The following ADAMTS6 variants were observed in gnomAD, a reference collection of about 807,000 sequenced individuals.
The protein encoded by ADAMTS6 is A disintegrin and metalloproteinase with thrombospondin motifs 6.
Under a neutral mutation model 144.3 loss-of-function variants are expected in ADAMTS6, and 23 were observed. The observed-to-expected ratio is 0.16, with a 90% CI of 0.11 to 0.23. The LOEUF is 0.23. Ranked by LOEUF, ADAMTS6 falls within the 10% of genes least tolerant of loss-of-function variation. The probability of loss-of-function intolerance (pLI) is 1.00; values close to 1 mark genes in which losing one functional copy is unlikely to be tolerated. For synonymous variants in ADAMTS6, 444 were observed against 457.5 expected (o/e 0.97, Z 0.38); for missense variants, 999 against 1,379.6 (o/e 0.72, Z 4.37).
rs143296609 is a variant in ADAMTS6, at chr5:65,223,223, A to G, written c.2272+1097T>C. Reference sequence around the variant, plus strand: ...TGTTGAGGTATAACTCACAAATAAAATATTAAGTTTAAGGTGTACAATCTG... The same window carrying G: ...TGTTGAGGTATAACTCACAAATAAAGTATTAAGTTTAAGGTGTACAATCTG... On this transcript the variant is annotated intron_variant, in intron 18 of 24. Transcript: ENST00000381055. Among the ~76,000 whole-genome samples, 1,180 of 152,242 alleles carry G rather than the reference A, an allele frequency of 7.8e-3. 10 individuals carry two copies. The highest frequency in any genetic ancestry group is 0.012 in the Non-Finnish European group (830 of 67,986).
In ADAMTS6 at chr5:65,224,300, A is replaced by G. The variant is rs774959053; in HGVS notation, c.2272+20T>C. 1.9e-6 allele frequency: 3 copies of G among 1,604,268 alleles called. No homozygotes were observed. Among genetic ancestry groups the G allele is most frequent in the Middle Eastern group, 1.7e-4 (1 of 6,050 alleles). The stretch of plus-strand genomic sequence containing the variant: ...ATTTACTTTTAAAATCCAGCAAACT[A>G]GCATACCAGTCTAACATACCAATAT... On this transcript the variant is annotated intron_variant, in intron 18 of 24. Transcript: ENST00000381055.
At chr5:65,311,784 T>G (rs1419264974) in intron 9 of ADAMTS6, among the ~76,000 whole-genome samples, 1 of 152,094 alleles carries the variant, frequency 6.6e-6, no homozygotes, top group Non-Finnish European at 1.5e-5. Flanking sequence ...CATAGCCTAC[T>G]GAGTGTAAAT....
chr5:65,319,714 G>GGGAGGGAGGGAA (rs1745372192), intron 9 of ADAMTS6, among the ~76,000 whole-genome samples: 1 of 35,932 alleles, frequency 2.8e-5, no homozygotes, highest in African/African-American at 1.7e-4. Context: ...GAGGGAGGGA[G>GGGAGGGAGGGAA]GGAAGGGAGG....
chr5:65,227,826 C>A (rs900819559), intron 15 of ADAMTS6, among the ~76,000 whole-genome samples: 3 of 151,852 alleles, frequency 2.0e-5, no homozygotes, highest in African/African-American at 4.8e-5. Context: ...TTAAATGTAA[C>A]AATTGATTCA....
chr5:65,224,921 C>T lies in ADAMTS6; in HGVS notation c.2191+3G>A, dbSNP rs1412610610. 2 of 1,612,086 alleles carry T rather than the reference C, an allele frequency of 1.2e-6. No individual in the cohort carries two copies. The highest frequency in any genetic ancestry group is 1.7e-6 in the Non-Finnish European group (2 of 1,179,328). On this transcript the variant is annotated splice_donor_region_variant and intron_variant, in intron 17 of 24. Transcript: ENST00000381055. ...TGAGGAAGAGTTCTCTCTACATACT[C>T]ACCTCCCCTGGGCAGTGAATCATTG...
chr5:65,182,247 C>A (rs190939352), intron 22 of ADAMTS6, among the ~76,000 whole-genome samples: 5 of 151,740 alleles, frequency 3.3e-5, no homozygotes, highest in Non-Finnish European at 5.9e-5. Flanking sequence ...GAGTTTGAGA[C>A]CACAGCCTGG....
chr5:65,450,406 T>C lies in ADAMTS6; in HGVS notation c.1073+1069A>G, dbSNP rs143688638. On this transcript the variant is annotated intron_variant, in intron 7 of 24. Transcript: ENST00000381055. Reference sequence around the variant, plus strand: ...TCTTACTGGATCTCAAGATTCTAACTCATATACTTTGTATTCCCTCCCTAG... The same window carrying C: ...TCTTACTGGATCTCAAGATTCTAACCCATATACTTTGTATTCCCTCCCTAG... 6.9e-3 allele frequency among the ~76,000 whole-genome samples: 1,051 copies of C among 152,242 alleles called. 13 individuals carry two copies. Among genetic ancestry groups the C allele is most frequent in the African/African-American group, 0.024 (987 of 41,558 alleles).
At chr5:65,367,915 A>T (rs1404125739) in intron 7 of ADAMTS6, among the ~76,000 whole-genome samples, 1 of 151,976 alleles carries the variant, frequency 6.6e-6, no homozygotes, top group Non-Finnish European at 1.5e-5. Flanking sequence ...TATATATATG[A>T]CCAATCACAT....
intron 14 of ADAMTS6, among the ~76,000 whole-genome samples, chr5:65,245,026 C>T (rs140912546): frequency 3.9e-4 from 59 of 152,188 alleles, no homozygotes; most frequent in African/African-American, 1.3e-3. Flanking sequence ...AATTCACGGC[C>T]TTGAGAAATT....
chr5:65,268,983 T>C (rs1299092289), intron 12 of ADAMTS6, among the ~76,000 whole-genome samples: 1 of 151,934 alleles, frequency 6.6e-6, no homozygotes, highest in Admixed American at 6.5e-5. Flanking sequence ...CTAGACAGTG[T>C]ATAGGTTCTT....
At chr5:65,324,865 T>C (rs78203455) in intron 9 of ADAMTS6, among the ~76,000 whole-genome samples, 1,681 of 152,234 alleles carry the variant, frequency 0.011, 29 homozygotes, top group African/African-American at 0.038. Flanking sequence ...TCAGTACAAA[T>C]AGTTATGAAC....
intron 7 of ADAMTS6, among the ~76,000 whole-genome samples, chr5:65,398,824 G>GA (rs745435302): frequency 6.9e-5 from 10 of 145,560 alleles, no homozygotes; most frequent in African/African-American, 2.4e-4. Context: ...AAGAAAGAAA[G>GA]AAAGAAAGAA....
intron 3 of ADAMTS6, 91 bp downstream of exon 3, chr5:65,470,687 T>C (rs1054441454): frequency 1.3e-5 from 14 of 1,054,840 alleles, no homozygotes; most frequent in Non-Finnish European, 1.8e-5. Flanking sequence ...CCTATATATA[T>C]ATATATTTTT....
intron 7 of ADAMTS6, among the ~76,000 whole-genome samples, chr5:65,446,707 G>C (rs1758293269): frequency 6.6e-6 from 1 of 152,148 alleles, no homozygotes. Flanking sequence ...AGTCACAAAA[G>C]ACCACATATT....
chr5:65,163,085 TTTTTTGTAGAGAC>T (rs1752887221), intron 24 of ADAMTS6, among the ~76,000 whole-genome samples: 1 of 152,158 alleles, frequency 6.6e-6, no homozygotes, highest in Non-Finnish European at 1.5e-5. Context: ...AACTTTTTTA[TTTTTTGTAGAGAC>T]AGTGTCTCAC....
At chr5:65,198,209 C>G (rs1357912272) in intron 20 of ADAMTS6, among the ~76,000 whole-genome samples, 1 of 152,178 alleles carries the variant, frequency 6.6e-6, no homozygotes, top group East Asian at 1.9e-4. Context: ...CCCACCCCAT[C>G]TCTATAAACA....
At chr5:65,260,733 T>A (rs1761126321) in intron 13 of ADAMTS6, 70 bp from the exon 14 acceptor site, 1 of 1,198,818 alleles carries the variant, frequency 8.3e-7, no homozygotes, top group South Asian at 1.4e-5. Context: ...ATATATTACT[T>A]GATGAAAACA....
intron 20 of ADAMTS6, among the ~76,000 whole-genome samples, chr5:65,205,159 A>T (rs973026166): frequency 1.3e-5 from 2 of 151,278 alleles, no homozygotes; most frequent in African/African-American, 4.8e-5. Context: ...CCTATGCTCC[A>T]TTTGGGGCTC....
intron 7 of ADAMTS6, among the ~76,000 whole-genome samples, chr5:65,403,086 A>C (rs1230844111): frequency 6.6e-6 from 1 of 151,930 alleles, no homozygotes; most frequent in Admixed American, 6.6e-5. Context: ...TTAAGGCCTC[A>C]TTTTACTCAA....
Sources: allele counts gnomAD v4.1 joint callset (sites outside exome capture counted in the v4.1 genomes callset), GRCh38; gene constraint gnomAD v4.1.1; transcripts MANE v1.5; gene names NCBI Gene and HGNC (gene_info 2026-07-23, HGNC 2026-07-21).